Variants in RNF169 observed in about 807,000 individuals in gnomAD.
The protein encoded by RNF169 is E3 ubiquitin-protein ligase RNF169.
RNF169 carries 24 observed loss-of-function variants against 53.9 expected under a neutral mutation model. The ratio of observed to expected loss-of-function variants is 0.45; its 90% CI spans 0.32 to 0.63. The LOEUF (loss-of-function observed/expected upper bound fraction) is 0.63, where lower values mean the gene tolerates loss of function less well. Among genes scored for constraint, RNF169 ranks in the 20% least tolerant of loss-of-function variants. The pLI, the probability that RNF169 is intolerant of heterozygous loss-of-function variation, is 0.04. For synonymous variants in RNF169, 396 were observed against 363.5 expected, an observed-to-expected ratio of 1.09 and a Z score of -1.02; for missense variants, 883 against 906.2, an observed-to-expected ratio of 0.97 and a Z score of 0.33.
chr11:74,750,399 G>T (rs2034868234), intron 1 of RNF169, among the ~76,000 whole-genome samples: 1 of 151,962 alleles, frequency 6.6e-6, no homozygotes, highest in African/African-American at 2.4e-5. Context: ...GTTTTTTTGG[G>T]TAAGGAAAGA....
intron 4 of RNF169, among the ~76,000 whole-genome samples, chr11:74,822,262 T>C (rs2036023241): frequency 6.6e-6 from 1 of 152,184 alleles, no homozygotes. Context: ...ATATCTTGTA[T>C]GGCCATTTGA....
intron 1 of RNF169, among the ~76,000 whole-genome samples, chr11:74,774,907 C>T (rs1179182392): frequency 6.6e-6 from 1 of 151,930 alleles, no homozygotes; most frequent in Non-Finnish European, 1.5e-5. Context: ...TGCAGTGAGC[C>T]GACAGAGGGA....
At chr11:74,778,852 C>T (rs144698957) in intron 1 of RNF169, among the ~76,000 whole-genome samples, 261 of 152,316 alleles carry the variant, frequency 1.7e-3, no homozygotes, top group Middle Eastern at 3.4e-3. Context: ...GCTTGGAACA[C>T]ACATTCAGAT....
chr11:74,841,916 C>T lies in RNF169; in HGVS notation c.*5186C>T, dbSNP rs1209862780. Reference sequence around the variant, plus strand: ...CAAGTTTGCATCAAACATGGTATTACCAACGCTGAGCCTCCAGCAGAGCAC... The same window carrying T: ...CAAGTTTGCATCAAACATGGTATTATCAACGCTGAGCCTCCAGCAGAGCAC... On this transcript the variant is annotated 3_prime_UTR_variant, in exon 6 of 6. Transcript: ENST00000299563. The T allele has an allele frequency of 1.3e-5, 2 of 152,224 alleles. No individual in the cohort carries two copies. Among genetic ancestry groups the T allele is most frequent in the Non-Finnish European group, 2.9e-5 (2 of 68,042 alleles). The allele number at this position is 152,224 out of a possible 1,614,324, so 9.4% of individuals were successfully genotyped here.
At position 74,817,604 on chromosome 11, in the gene RNF169, A is replaced by G; in HGVS notation, c.732A>G (p.Ala244=). 1 of 1,607,810 alleles carries G rather than the reference A, an allele frequency of 6.2e-7. No individual in the cohort carries two copies. Among genetic ancestry groups the G allele is most frequent in the Non-Finnish European group, 8.5e-7 (1 of 1,174,222 alleles). The change falls in exon 4 of 6, where the codon GCA becomes GCG. Residue 244 remains alanine, a synonymous_variant. Transcript: ENST00000299563. The part of the protein sequence containing the change: ...VLKTNLERCP[A]RLSDSENEEP... ...CCTTGTCTCCCTGCCAGTGTCCTGC[A>G]CGTCTCTCAGATTCAGAGAATGAAG...
In RNF169 at chr11:74,749,331, G is replaced by A; in HGVS notation, c.451G>A (p.Ala151Thr). ...CRPRRDGGAAAAGPRPEQEPR... is the reference protein window; with the variant it reads ...CRPRRDGGAATAGPRPEQEPR... Reference sequence around the variant, plus strand: ...CCCGCGCCGGGACGGGGGCGCGGCTGCCGCGGGGCCCAGGCCAGAGCAGGA... The same window carrying A: ...CCCGCGCCGGGACGGGGGCGCGGCTACCGCGGGGCCCAGGCCAGAGCAGGA... The change falls in exon 1 of 6, where the codon GCC becomes ACC. Residue 151 changes from alanine (A) to threonine (T), a missense_variant. Ala to Thr is a moderately conservative substitution (Grantham distance 58). This residue lies in a region of RNF169 where 313 missense variants were observed against 279.9 expected (regional missense o/e 1.12). Transcript: ENST00000299563. The A allele has an allele frequency of 8.3e-7, 1 of 1,207,350 alleles. No individual in the cohort carries two copies. The highest frequency in any genetic ancestry group is 1.0e-6 in the Non-Finnish European group (1 of 972,804). The allele number at this position is 1,207,350 out of a possible 1,614,324, so 74.8% of individuals were successfully genotyped here.
intron 1 of RNF169, among the ~76,000 whole-genome samples, chr11:74,771,302 C>G (rs1042425393): frequency 2.6e-5 from 4 of 152,070 alleles, no homozygotes; most frequent in Non-Finnish European, 5.9e-5. Context: ...AATCTGAAAT[C>G]GAAAATGTGC....
chr11:74,754,460 T>A (rs1178024713), intron 1 of RNF169, among the ~76,000 whole-genome samples: 1 of 152,204 alleles, frequency 6.6e-6, no homozygotes, highest in Non-Finnish European at 1.5e-5. Flanking sequence ...AGACAAAGGC[T>A]GGTGAATCTT....
At chr11:74,778,342 T>TGATA (rs2035366537) in intron 1 of RNF169, among the ~76,000 whole-genome samples, 1 of 152,238 alleles carries the variant, frequency 6.6e-6, no homozygotes, top group Non-Finnish European at 1.5e-5. Context: ...CATTTACATA[T>TGATA]GATAACTTGA....
rs2034844362 is a variant in RNF169, at chr11:74,749,234, C to T, written c.354C>T (p.Ala118=). 2 of 1,079,608 alleles carry T rather than the reference C, an allele frequency of 1.9e-6. No individual in the cohort carries two copies. Among genetic ancestry groups the T allele is most frequent in the South Asian group, 8.6e-5 (2 of 23,190 alleles). The allele number at this position is 1,079,608 out of a possible 1,614,324, so 66.9% of individuals were successfully genotyped here. A position where few individuals can be genotyped will look rare whatever the true frequency, so the allele number is the denominator to read the frequency against. ...GCCCAGGCTGGGCCCGCCGTCGGGC[C>T]CGCGACGACGGCCAGGCCGACTCAG... The part of the protein sequence containing the change: ...ARGPGWARRR[A]RDDGQADSEV... Residue 118 remains alanine (A), a synonymous_variant, in exon 1 of 6, where the codon GCC becomes GCT. Transcript: ENST00000299563.
intron 3 of RNF169, among the ~76,000 whole-genome samples, chr11:74,815,924 T>C (rs749209614): frequency 1.3e-5 from 2 of 152,212 alleles, no homozygotes; most frequent in African/African-American, 2.4e-5. Context: ...TTATCTTTTT[T>C]CTAGAGTTGA....
chr11:74,783,142 C>G (rs1358581630), intron 1 of RNF169, among the ~76,000 whole-genome samples: 1 of 151,652 alleles, frequency 6.6e-6, no homozygotes, highest in Non-Finnish European at 1.5e-5. Context: ...GAGTGAGGTT[C>G]TTTTTTAAAT....
rs537531083 is a variant in RNF169, at chr11:74,800,975, T to A, written c.577-9209T>A. Among the ~76,000 whole-genome samples the A allele has an allele frequency of 1.9e-4, 29 of 152,374 alleles. No individual in the cohort carries two copies. In the South Asian group the frequency reaches 4.3e-3, roughly 23 times the overall value. ...ATGCCTATCTACAAAATGCATGTAA[T>A]AATTTAAAACCTGTATTGAAGTAAT... On this transcript the variant is annotated intron_variant, in intron 2 of 5. Transcript: ENST00000299563.
intron 1 of RNF169, among the ~76,000 whole-genome samples, chr11:74,779,912 C>G (rs1045039990): frequency 1.3e-5 from 2 of 152,118 alleles, no homozygotes; most frequent in African/African-American, 4.8e-5. Context: ...CTCAAACTTG[C>G]AGTCCTCCCA....
chr11:74,797,040 A>AT (rs1450943566), intron 2 of RNF169, among the ~76,000 whole-genome samples: 1 of 152,094 alleles, frequency 6.6e-6, no homozygotes, highest in Admixed American at 6.5e-5. Flanking sequence ...TTCAAGGGGT[A>AT]TTTTCTCCCC....
chr11:74,753,260 C>T (rs116255830), intron 1 of RNF169, among the ~76,000 whole-genome samples: 3,224 of 152,270 alleles, frequency 0.021, 112 homozygotes, highest in African/African-American at 0.074. Flanking sequence ...TGAGCCACCG[C>T]GCCCAGCCTT....
chr11:74,804,091 A>G (rs2035771314), intron 2 of RNF169, among the ~76,000 whole-genome samples: 1 of 152,070 alleles, frequency 6.6e-6, no homozygotes, highest in Non-Finnish European at 1.5e-5. Flanking sequence ...TTCTCCCCAT[A>G]TCTGTGTGGG....
intron 1 of RNF169, among the ~76,000 whole-genome samples, chr11:74,779,988 T>A (rs1038216687): frequency 6.6e-6 from 1 of 152,160 alleles, no homozygotes; most frequent in Non-Finnish European, 1.5e-5. Flanking sequence ...CAGGTAAATA[T>A]GAGATTAATA....
intron 2 of RNF169, among the ~76,000 whole-genome samples, chr11:74,808,635 C>G (rs1372628052): frequency 3.9e-5 from 6 of 152,208 alleles, no homozygotes; most frequent in Non-Finnish European, 7.3e-5. Flanking sequence ...AGACATAGTG[C>G]TTGGCTAAGC....
Sources: allele counts gnomAD v4.1 joint callset (sites outside exome capture counted in the v4.1 genomes callset), GRCh38; gene constraint gnomAD v4.1.1; regional missense constraint gnomAD v4.1.1; transcripts MANE v1.5; gene names NCBI Gene and HGNC (gene_info 2026-07-23, HGNC 2026-07-21).